The following CRACR2A variants were observed in gnomAD, a reference collection of about 807,000 sequenced individuals.
CRACR2A encodes the protein calcium release activated channel regulator 2A, also known as EF-hand calcium-binding domain-containing protein 4B.
CRACR2A carries 79 observed loss-of-function variants against 90.5 expected under a neutral mutation model. The ratio of observed to expected loss-of-function variants is 0.87; its 90% CI spans 0.73 to 1.05. The LOEUF (loss-of-function observed/expected upper bound fraction) is 1.05. Ranked by LOEUF, CRACR2A falls within the 50% of genes least tolerant of loss-of-function variation. CRACR2A has a pLI of 0.00. For synonymous variants in CRACR2A, 338 were observed against 356.7 expected (o/e 0.95, Z 0.59); for missense variants, 823 against 897.2 (o/e 0.92, Z 1.06).
intron 7 of CRACR2A, among the ~76,000 whole-genome samples, chr12:3,666,371 G>A (rs761460070): frequency 2.6e-5 from 4 of 151,866 alleles, no homozygotes; most frequent in African/African-American, 9.7e-5. Context: ...GTGTGCGCGT[G>A]CGCGCGCACG....
chr12:3,747,575 CA>C lies in CRACR2A; in HGVS notation c.-387+5439del, dbSNP rs1946645609. Among the ~76,000 whole-genome samples the C allele has an allele frequency of 2.6e-5, 4 of 152,192 alleles. No individual in the cohort carries two copies. In the South Asian group the frequency reaches 8.3e-4, roughly 31 times the overall value. On this transcript the variant is annotated intron_variant, in intron 1 of 19. Transcript: ENST00000440314. ...ACAAATCCTGGACCTCAATGCTGAGCAATCTCTAAAGTAAACAAAGTGAAAA... is the reference window on the plus strand; with the variant it reads ...ACAAATCCTGGACCTCAATGCTGAGCATCTCTAAAGTAAACAAAGTGAAAA...
chr12:3,693,475 T>C (rs1303172432), intron 4 of CRACR2A, among the ~76,000 whole-genome samples: 2 of 152,194 alleles, frequency 1.3e-5, no homozygotes, highest in African/African-American at 4.8e-5. Context: ...AAGTCGAGCC[T>C]AGGGAGATGG....
intron 7 of CRACR2A, among the ~76,000 whole-genome samples, chr12:3,665,724 A>G (rs1269219793): frequency 6.6e-6 from 1 of 152,128 alleles, no homozygotes; most frequent in African/African-American, 2.4e-5. Context: ...GTGTGCAGGA[A>G]TGGTGAAGGA....
At chr12:3,629,245 G>A (rs898493552) in intron 15 of CRACR2A, among the ~76,000 whole-genome samples, 4 of 151,962 alleles carry the variant, frequency 2.6e-5, no homozygotes, top group African/African-American at 9.7e-5. Context: ...GAAGCAAGGT[G>A]AGCTGCAATC....
chr12:3,659,987 A>G (rs1487975161), intron 7 of CRACR2A, among the ~76,000 whole-genome samples: 1 of 151,938 alleles, frequency 6.6e-6, no homozygotes, highest in Non-Finnish European at 1.5e-5. Context: ...CTTTATTTCA[A>G]CACAAGCCCA....
chr12:3,719,287 T>C (rs1034048422), intron 2 of CRACR2A, among the ~76,000 whole-genome samples: 4 of 152,184 alleles, frequency 2.6e-5, no homozygotes, highest in Non-Finnish European at 5.9e-5. Flanking sequence ...TATTCCCCCA[T>C]GTCACCGCTG....
chr12:3,699,776 T>A (rs1945805979), intron 3 of CRACR2A, among the ~76,000 whole-genome samples: 1 of 152,218 alleles, frequency 6.6e-6, no homozygotes, highest in Non-Finnish European at 1.5e-5. Context: ...CGCCAGTTTC[T>A]AGCCTAGAAT....
chr12:3,736,901 G>GA (rs1946457885), intron 1 of CRACR2A, among the ~76,000 whole-genome samples: 1 of 152,212 alleles, frequency 6.6e-6, no homozygotes, highest in African/African-American at 2.4e-5. Flanking sequence ...CCAGTGGAGG[G>GA]ATGGAAGCAG....
In CRACR2A at chr12:3,711,626, T is replaced by C. The variant is rs1476805891; in HGVS notation, c.-37+1611A>G. On this transcript the variant is annotated intron_variant, in intron 3 of 19. Transcript: ENST00000440314. This position sits in a 1 kb window ranked among gnomAD's most constrained non-coding sequence, Gnocchi z 4.3. Reference sequence around the variant, plus strand: ...TACATCTTCTTTAAGATTGAGGCCTTCTCTACAGCTCTTCTCTTCTTCTGA... The same window carrying C: ...TACATCTTCTTTAAGATTGAGGCCTCCTCTACAGCTCTTCTCTTCTTCTGA... Among the ~76,000 whole-genome samples, 1 of 143,068 alleles carries C rather than the reference T, an allele frequency of 7.0e-6. No homozygotes were observed. Among genetic ancestry groups the C allele is most frequent in the East Asian group, 2.0e-4 (1 of 4,970 alleles). 93.9% of individuals were successfully genotyped at this position (143,068 alleles called of 152,430 possible).
chr12:3,629,656 G>A (rs1481737729), intron 15 of CRACR2A, among the ~76,000 whole-genome samples: 3 of 152,218 alleles, frequency 2.0e-5, no homozygotes, highest in Non-Finnish European at 2.9e-5. Context: ...CTGGAGGACA[G>A]GCAGCTGCCT....
intron 4 of CRACR2A, among the ~76,000 whole-genome samples, chr12:3,691,541 G>A (rs1051057661): frequency 2.6e-5 from 4 of 152,098 alleles, no homozygotes; most frequent in Non-Finnish European, 5.9e-5. Flanking sequence ...CCCTTTGTAG[G>A]TGACCTGACC....
intron 1 of CRACR2A, among the ~76,000 whole-genome samples, chr12:3,750,486 G>A (rs1273178430): frequency 6.6e-6 from 1 of 152,156 alleles, no homozygotes; most frequent in African/African-American, 2.4e-5. Context: ...TTAAGATCCT[G>A]AATTCTGCAA....
chr12:3,648,076 G>C (rs1336587967), intron 11 of CRACR2A: 11 of 994,876 alleles, frequency 1.1e-5, no homozygotes, highest in African/African-American at 1.7e-5. Flanking sequence ...TTTCCATTCT[G>C]GCCCCATCAG....
At chr12:3,644,489 G>C in intron 12 of CRACR2A, 106 bp downstream of exon 12, 2 of 1,193,822 alleles carry the variant, frequency 1.7e-6, no homozygotes, top group Non-Finnish European at 2.4e-6. Context: ...CTGCCAAATA[G>C]ATCCCGAGTG....
rs1946008218 is a variant in CRACR2A, at chr12:3,711,681, G to C, written c.-37+1556C>G. Among the ~76,000 whole-genome samples the C allele has an allele frequency of 6.6e-6, 1 of 152,072 alleles. No individual in the cohort carries two copies. The highest frequency in any genetic ancestry group is 1.9e-4 in the East Asian group (1 of 5,188). ...TCACCAGAACCACCTTTAAAAGTCAGGTCATGGCAATGTAGGCTTTTTCTA... is the reference window on the plus strand; with the variant it reads ...TCACCAGAACCACCTTTAAAAGTCACGTCATGGCAATGTAGGCTTTTTCTA... On this transcript the variant is annotated intron_variant, in intron 3 of 19. Coordinates refer to ENST00000440314, the MANE Select transcript of CRACR2A (RefSeq NM_001144958.2). The surrounding 1 kb of genome is among the most constrained non-coding windows in gnomAD (Gnocchi z 4.3).
intron 13 of CRACR2A, among the ~76,000 whole-genome samples, chr12:3,640,178 C>A (rs1321130910): frequency 6.6e-6 from 1 of 152,254 alleles, no homozygotes; most frequent in Admixed American, 6.5e-5. Context: ...GTTTTACCAC[C>A]AAGTGCTCTC....
chr12:3,669,944 C>T (rs565658680), intron 7 of CRACR2A, among the ~76,000 whole-genome samples: 1 of 152,310 alleles, frequency 6.6e-6, no homozygotes, highest in South Asian at 2.1e-4. Context: ...GTGTGGTCTG[C>T]ACAAGGAGAA....
intron 7 of CRACR2A, among the ~76,000 whole-genome samples, chr12:3,668,238 G>A (rs758528): frequency 1.3e-5 from 2 of 152,094 alleles, no homozygotes; most frequent in Non-Finnish European, 2.9e-5. Flanking sequence ...AATAGGACTA[G>A]CATTCCAGAT....
intron 14 of CRACR2A, among the ~76,000 whole-genome samples, chr12:3,637,670 T>TA (rs201753559): frequency 8.3e-4 from 121 of 146,344 alleles, no homozygotes; most frequent in African/African-American, 1.9e-3. Flanking sequence ...CCACCCTATC[T>TA]AAAAAAAAAA....
Sources: allele counts gnomAD v4.1 joint callset (sites outside exome capture counted in the v4.1 genomes callset), GRCh38; gene constraint gnomAD v4.1.1; non-coding constraint Gnocchi (gnomAD v3.1); transcripts MANE v1.5; gene names NCBI Gene and HGNC (gene_info 2026-07-23, HGNC 2026-07-21).